The following TENM1 variants were observed in gnomAD, a reference collection of about 807,000 sequenced individuals.
The protein encoded by TENM1 is teneurin transmembrane protein 1, also known as teneurin-1.
A neutral mutation model predicts 174.8 loss-of-function variants in TENM1; 35 were observed. That is an observed-to-expected ratio of 0.20 (90% CI 0.15 to 0.27). The LOEUF (loss-of-function observed/expected upper bound fraction) is 0.27, where lower values mean the gene tolerates loss of function less well. Ranked by LOEUF, TENM1 falls within the 10% of genes least tolerant of loss-of-function variation. The pLI, the probability that TENM1 is intolerant of heterozygous loss-of-function variation, is 1.00. For synonymous variants in TENM1, 781 were observed against 798.7 expected (o/e 0.98, Z 0.37); for missense variants, 1,633 against 2,130.1 (o/e 0.77, Z 4.59).
At chrX:124,538,419 C>T (rs777288045) in intron 15 of TENM1, among the ~76,000 whole-genome samples, 2 of 111,486 alleles carry the variant, frequency 1.8e-5, no homozygotes, top group Admixed American at 1.9e-4. Context: ...TTTTTCCAAA[C>T]GTGAGCAGGT....
At chrX:124,738,953 G>A (rs752681842) in intron 3 of TENM1, among the ~76,000 whole-genome samples, 19 of 112,392 alleles carry the variant, frequency 1.7e-4, no homozygotes, top group Non-Finnish European at 2.8e-4. Flanking sequence ...TGTAATATGA[G>A]TTCTCTTTTC....
intron 15 of TENM1, among the ~76,000 whole-genome samples, chrX:124,535,730 T>C (rs920454543): frequency 8.9e-6 from 1 of 112,291 alleles, no homozygotes; most frequent in Non-Finnish European, 1.9e-5. Flanking sequence ...TTCTTCCCTG[T>C]GTCCTTCTCA....
the TENM1 span, among the ~76,000 whole-genome samples, chrX:125,050,092 T>C: frequency 1.8e-5 from 2 of 110,044 alleles, no homozygotes; most frequent in Non-Finnish European, 3.8e-5. Flanking sequence ...TAAATGGTTC[T>C]GATGTAGGCA....
At chrX:124,900,717 C>T (rs113020561) in intron 1 of TENM1, among the ~76,000 whole-genome samples, 3,432 of 110,448 alleles carry the variant, frequency 0.031, 119 homozygotes, top group African/African-American at 0.11. Flanking sequence ...TGTCATCTTG[C>T]TTATATCTAA....
chrX:125,062,357 C>A, the TENM1 span, among the ~76,000 whole-genome samples: 1 of 110,994 alleles, frequency 9.0e-6, no homozygotes, highest in East Asian at 2.8e-4. Flanking sequence ...TTGACAAAGC[C>A]GTATTTTTTA....
chrX:124,601,465 T>C (rs1026478953), intron 11 of TENM1, among the ~76,000 whole-genome samples: 2 of 110,750 alleles, frequency 1.8e-5, no homozygotes, highest in Admixed American at 9.7e-5. Flanking sequence ...TGGCAGGAAA[T>C]TGAGGGAGTT....
chrX:124,992,306 C>A, the TENM1 span, among the ~76,000 whole-genome samples: 1 of 110,847 alleles, frequency 9.0e-6, no homozygotes, highest in East Asian at 2.8e-4. Context: ...TTAGTTTGGG[C>A]TCCCCTATTG....
At chrX:124,910,016 A>G (rs2057810930) in intron 1 of TENM1, among the ~76,000 whole-genome samples, 1 of 112,348 alleles carries the variant, frequency 8.9e-6, no homozygotes, top group Admixed American at 9.5e-5. Context: ...CACGTATCAC[A>G]GTACACAGAG....
At chrX:124,741,887 G>A (rs1321355689) in intron 3 of TENM1, among the ~76,000 whole-genome samples, 13 of 112,134 alleles carry the variant, frequency 1.2e-4, no homozygotes, top group Non-Finnish European at 2.3e-4. Flanking sequence ...ATGGAATTGC[G>A]CATATGCAAA....
At chrX:124,795,025 C>T (rs1038497789) in intron 3 of TENM1, among the ~76,000 whole-genome samples, 4 of 111,568 alleles carry the variant, frequency 3.6e-5, no homozygotes, top group Admixed American at 9.5e-5. Context: ...CTACTGTTAA[C>T]GTAGTTTCCA....
chrX:124,973,287 T>C, the TENM1 span, among the ~76,000 whole-genome samples: 2 of 112,055 alleles, frequency 1.8e-5, no homozygotes, highest in Non-Finnish European at 3.8e-5. Context: ...ACCAGTACCA[T>C]GCTGTTTTGG....
At chrX:124,706,052 G>A (rs1381455011) in intron 4 of TENM1, among the ~76,000 whole-genome samples, 2 of 110,896 alleles carry the variant, frequency 1.8e-5, no homozygotes, top group Non-Finnish European at 3.8e-5. Context: ...ACTACAGTTC[G>A]CACCACCACG....
the TENM1 span, among the ~76,000 whole-genome samples, chrX:125,188,332 C>T: frequency 0.015 from 1,680 of 109,290 alleles, 13 homozygotes; most frequent in Non-Finnish European, 0.024. Context: ...GTTATGCACT[C>T]CAGGCTGGAT....
chrX:124,970,134 C>T, the TENM1 span, among the ~76,000 whole-genome samples: 1 of 111,437 alleles, frequency 9.0e-6, no homozygotes, highest in Non-Finnish European at 1.9e-5. Context: ...ATAACCTTTC[C>T]TCCACTATCC....
In TENM1 at chrX:124,643,907, G is replaced by A. The variant is rs185672376; in HGVS notation, c.1876+1236C>T. On this transcript the variant is annotated intron_variant, in intron 10 of 31. Transcript: ENST00000422452. ...TAGTATTTTTTTACTAACACTGTGT[G>A]GGTCTATATAGCATATGAATTTGCA... Among the ~76,000 whole-genome samples the A allele has an allele frequency of 5.0e-3, 540 of 107,345 alleles. 9 individuals carry two copies. The highest frequency in any genetic ancestry group is 0.015 in the African/African-American group (456 of 29,494). 93.2% of individuals were successfully genotyped at this position (107,345 alleles called of 115,157 possible).
chrX:124,893,519 C>T (rs2057509758), intron 3 of TENM1, among the ~76,000 whole-genome samples: 1 of 112,274 alleles, frequency 8.9e-6, no homozygotes, highest in South Asian at 3.7e-4. Flanking sequence ...ATGTTAAAAA[C>T]ACTGTTCTAA....
intron 15 of TENM1, among the ~76,000 whole-genome samples, chrX:124,532,029 A>T (rs765644172): frequency 9.0e-6 from 1 of 111,596 alleles, no homozygotes; most frequent in African/African-American, 3.2e-5. Flanking sequence ...GATGCCAAAC[A>T]ATTTAGAAAT....
chrX:124,626,371 T>TAC (rs2050637107), intron 11 of TENM1, among the ~76,000 whole-genome samples: 1 of 111,619 alleles, frequency 9.0e-6, no homozygotes, highest in South Asian at 3.8e-4. Flanking sequence ...AATGTTCTCA[T>TAC]ACGATCTTGT....
the TENM1 span, among the ~76,000 whole-genome samples, chrX:125,089,480 AG>A: frequency 8.9e-6 from 1 of 112,147 alleles, no homozygotes; most frequent in Non-Finnish European, 1.9e-5. Flanking sequence ...CATATTTCTC[AG>A]TACTGTATGG....
Sources: gnomAD v4.1 joint callset for allele counts (sites outside exome capture counted in the v4.1 genomes callset) on GRCh38, gnomAD v4.1.1 for gene constraint, MANE v1.5 for transcripts, NCBI Gene and HGNC (gene_info 2026-07-23, HGNC 2026-07-21) for gene names.